Variants in SCRIB observed in about 807,000 individuals in gnomAD.
The protein encoded by SCRIB is protein scribble homolog.
SCRIB carries 72 observed loss-of-function variants against 170.0 expected under a neutral mutation model. The ratio of observed to expected loss-of-function variants is 0.42; its 90% CI spans 0.35 to 0.52. SCRIB has a LOEUF of 0.52. Ranked by LOEUF, SCRIB falls within the 20% of genes least tolerant of loss-of-function variation. The pLI, the probability that SCRIB is intolerant of heterozygous loss-of-function variation, is 0.02. For missense variants in SCRIB, 2,475 were observed against 2,338.5 expected, an observed-to-expected ratio of 1.06 and a Z score of -1.20; for synonymous variants, 1,298 against 1,044.3, an observed-to-expected ratio of 1.24 and a Z score of -4.68.
Position 143,803,681 on chromosome 8 carries a change from C to T in SCRIB, c.3380G>A (p.Arg1127His), listed in dbSNP as rs782715094. 15 of 1,576,304 alleles carry T rather than the reference C, an allele frequency of 9.5e-6. No individual in the cohort carries two copies. Among genetic ancestry groups the T allele is most frequent in the South Asian group, 4.6e-5 (4 of 87,706 alleles). ...GAAGATGCCCTCGTCTGTGGGGTCG[C>T]GGGGGTTGCCAGCGTGGCCCCTGGC... ...GGARGHAGNP[R>H]DPTDEGIFIS... is the part of the protein sequence containing the mutation. The change falls in exon 23 of 37, where the codon CGC (arginine) becomes CAC (histidine). Residue 1127 changes from arginine to histidine, a missense_variant. Arg to His is a conservative substitution (Grantham distance 29, BLOSUM62 0). Coordinates refer to ENST00000356994, the MANE Select transcript of SCRIB (RefSeq NM_182706.5).
intron 17 of SCRIB, 97 bp downstream of exon 17, chr8:143,806,827 G>A (rs1554636690): frequency 3.3e-6 from 3 of 899,530 alleles, no homozygotes; most frequent in African/African-American, 1.7e-5. Flanking sequence ...CCCAGAGCGT[G>A]TGAGTGTTCT....
At position 143,791,738 on chromosome 8, in the gene SCRIB, G is replaced by A. The variant is rs1554632703; in HGVS notation, c.4698C>T (p.Pro1566=). 1.9e-6 allele frequency: 3 copies of A among 1,598,164 alleles called. No individual in the cohort carries two copies. The highest frequency in any genetic ancestry group is 2.6e-6 in the Non-Finnish European group (3 of 1,167,662). ...PQTSTSPGRL[P]LSGKKFDYRA... ...TGTAGTCAAACTTCTTTCCAGACAA[G>A]GGCTTGAAAGGACAGCGTGAGGGGA... The change falls in exon 35 of 37, where the codon CCC becomes CCT. Residue 1566 remains proline, a splice_region_variant and synonymous_variant. Coordinates refer to ENST00000356994, the MANE Select transcript of SCRIB (RefSeq NM_182706.5).
At chr8:143,806,563 G>A in intron 17 of SCRIB, 79 bp from the exon 18 acceptor site, 1 of 1,204,456 alleles carries the variant, frequency 8.3e-7, no homozygotes, top group Non-Finnish European at 1.2e-6. Context: ...GACCCAGGAG[G>A]GGAAGACCCA....
chr8:143,811,603 C>T (rs1051225679), intron 9 of SCRIB, among the ~76,000 whole-genome samples: 10 of 152,172 alleles, frequency 6.6e-5, no homozygotes, highest in East Asian at 1.9e-4. Context: ...ATCCCTGACC[C>T]TCTCCCATGG....
chr8:143,791,823 C>CA (rs782465335), intron 34 of SCRIB, 53 bp downstream of exon 34: 6 of 1,418,420 alleles, frequency 4.2e-6, no homozygotes, highest in Non-Finnish European at 5.7e-6. Flanking sequence ...GCAGGCCAGA[C>CA]CCCACCCCCA....
chr8:143,798,265 A>AG (rs1815026264), intron 24 of SCRIB, among the ~76,000 whole-genome samples: 2 of 152,202 alleles, frequency 1.3e-5, no homozygotes. Context: ...CAAAAAAAAA[A>AG]CAAAAAACAG....
Position 143,813,169 on chromosome 8 carries a change from A to G in SCRIB, c.568-65T>C, listed in dbSNP as rs887476677. ...AGCCTCCTGCTGCGCCGTGCTCAAG[A>G]GACTATACGCCCCCACACCCAGCTC... On this transcript the variant is annotated intron_variant, in intron 6 of 36. Coordinates refer to ENST00000356994, the MANE Select transcript of SCRIB (RefSeq NM_182706.5). 105 of 1,586,328 alleles carry G rather than the reference A, an allele frequency of 6.6e-5. 1 individual carries two copies. The highest frequency in any genetic ancestry group is 2.9e-4 in the South Asian group (26 of 88,574).
chr8:143,801,865 A>G (rs886669865), intron 24 of SCRIB, among the ~76,000 whole-genome samples: 95 of 152,260 alleles, frequency 6.2e-4, no homozygotes, highest in African/African-American at 1.9e-3. Flanking sequence ...GTGAGGTCTG[A>G]GACCCCTGCC....
At chr8:143,806,530 G>A (rs1258134191) in intron 17 of SCRIB, 46 bp from the exon 18 acceptor site, 10 of 1,446,832 alleles carry the variant, frequency 6.9e-6, no homozygotes, top group African/African-American at 4.2e-5. Context: ...AGACGGGCCC[G>A]CATTCCTGCT....
intron 24 of SCRIB, among the ~76,000 whole-genome samples, chr8:143,798,402 G>T (rs1554634442): frequency 1.3e-5 from 2 of 152,204 alleles, no homozygotes; most frequent in African/African-American, 4.8e-5. Flanking sequence ...TCCCAGGCAG[G>T]GTGAACCCTC....
Position 143,792,423 on chromosome 8 carries a change from C to T in SCRIB, c.4329-18G>A, listed in dbSNP as rs372652080. On this transcript the variant is annotated intron_variant, in intron 31 of 36. Coordinates refer to ENST00000356994, the MANE Select transcript of SCRIB (RefSeq NM_182706.5). ...GGCTCTGCCTGGGGAAGGGACAGGA[C>T]GTGCTGTGGGGGGCAGGGGCACGTG... is the stretch of plus-strand genomic sequence containing the variant. 1.6e-5 allele frequency: 24 copies of T among 1,504,458 alleles called. No individual in the cohort carries two copies. The highest frequency in any genetic ancestry group is 2.0e-4 in the Middle Eastern group (1 of 4,980). The allele number at this position is 1,504,458 out of a possible 1,614,324, so 93.2% of individuals were successfully genotyped here.
intron 24 of SCRIB, among the ~76,000 whole-genome samples, chr8:143,800,070 G>A (rs1444215767): frequency 1.6e-5 from 2 of 122,026 alleles, no homozygotes; most frequent in Admixed American, 2.5e-4. Context: ...CAGAAACACA[G>A]ATGGACCTGT....
intron 1 of SCRIB, among the ~76,000 whole-genome samples, chr8:143,814,508 G>A (rs939442428): frequency 1.3e-5 from 2 of 152,096 alleles, no homozygotes; most frequent in African/African-American, 2.4e-5. Flanking sequence ...TGGTTCTGCA[G>A]CAAGAACTCA....
At position 143,804,668 on chromosome 8, in the gene SCRIB, G is replaced by A. The variant is rs1554635908; in HGVS notation, c.2909C>T (p.Ala970Val). ...GGTGGCAGTGGTTATGCTGGTGGTG[G>A]CAACAGCAGCGGTGGGGGGTGAGGA... ...PHSSPPTAAVATTSITTATPG... is the reference protein window; with the variant it reads ...PHSSPPTAAVVTTSITTATPG... Residue 970 changes from alanine to valine, a missense_variant, in exon 21 of 37, where the codon GCC becomes GTC. Ala to Val is a moderately conservative substitution (Grantham distance 64). Transcript: ENST00000356994. The A allele has an allele frequency of 1.9e-6, 3 of 1,548,124 alleles. No homozygotes were observed. Among genetic ancestry groups the A allele is most frequent in the Non-Finnish European group, 8.7e-7 (1 of 1,144,566 alleles).
Position 143,812,227 on chromosome 8 carries a change from G to A in SCRIB, c.906+39C>T, listed in dbSNP as rs530002855. ...TGCCCTGTCCTTGTTCTGCACCCCCGACGGCCCCATCCTTTCTGCCTCCCA... is the reference window on the plus strand; with the variant it reads ...TGCCCTGTCCTTGTTCTGCACCCCCAACGGCCCCATCCTTTCTGCCTCCCA... On this transcript the variant is annotated intron_variant, in intron 9 of 36. Coordinates refer to ENST00000356994, the MANE Select transcript of SCRIB (RefSeq NM_182706.5). The A allele has an allele frequency of 2.6e-5, 34 of 1,331,434 alleles. 1 individual carries two copies. Among genetic ancestry groups the A allele is most frequent in the South Asian group, 1.5e-4 (13 of 85,372 alleles). The allele number at this position is 1,331,434 out of a possible 1,614,324, so 82.5% of individuals were successfully genotyped here. A position where few individuals can be genotyped will look rare whatever the true frequency, so the allele number is the denominator to read the frequency against.
At position 143,811,362 on chromosome 8, in the gene SCRIB, G is replaced by C. The variant is rs778340739; in HGVS notation, c.907-17C>G. The C allele has an allele frequency of 6.2e-7, 1 of 1,607,908 alleles. No individual in the cohort carries two copies. Among genetic ancestry groups the C allele is most frequent in the Non-Finnish European group, 8.5e-7 (1 of 1,176,218 alleles). The stretch of plus-strand genomic sequence containing the variant: ...GGGCAGGGCCTGGCCAAGAAGAGGA[G>C]GTCAGAGGACGCTAGGGGCTTGCTG... On this transcript the variant is annotated splice_polypyrimidine_tract_variant and intron_variant, in intron 9 of 36. Transcript: ENST00000356994.
In SCRIB at chr8:143,811,126, A is replaced by G. The variant is rs2130128562; in HGVS notation, c.1106+20T>C. Reference sequence around the variant, plus strand: ...GCGTTGGGGCCACGGTTAGGCCCGCAGGGCAAGGCTGGCACTCACCGGTTC... The same window carrying G: ...GCGTTGGGGCCACGGTTAGGCCCGCGGGGCAAGGCTGGCACTCACCGGTTC... On this transcript the variant is annotated intron_variant, in intron 10 of 36. Coordinates refer to ENST00000356994, the MANE Select transcript of SCRIB (RefSeq NM_182706.5). 1 of 1,599,614 alleles carries G rather than the reference A, an allele frequency of 6.3e-7. No individual in the cohort carries two copies. Among genetic ancestry groups the G allele is most frequent in the Non-Finnish European group, 8.5e-7 (1 of 1,173,574 alleles).
At chr8:143,803,249 G>A (rs1380404174) in intron 24 of SCRIB, 134 bp downstream of exon 24, 5 of 845,740 alleles carry the variant, frequency 5.9e-6, no homozygotes, top group African/African-American at 5.2e-5. Flanking sequence ...CCGCACGGCT[G>A]ATGCAGAGCC....
intron 16 of SCRIB, 60 bp downstream of exon 16, chr8:143,807,492 A>G: frequency 1.4e-6 from 2 of 1,401,650 alleles, no homozygotes; most frequent in Non-Finnish European, 2.0e-6. Flanking sequence ...GCGTGAGCCC[A>G]CAGCCCGGGA....
Sources: allele counts gnomAD v4.1 joint callset (sites outside exome capture counted in the v4.1 genomes callset), GRCh38; gene constraint gnomAD v4.1.1; transcripts MANE v1.5; gene names NCBI Gene and HGNC (gene_info 2026-07-23, HGNC 2026-07-21).